The following DOK1 variants were observed in gnomAD, a reference collection of about 807,000 sequenced individuals.
The protein encoded by DOK1 is docking protein 1, also known as Downstream of tyrosine kinase 1.
DOK1 carries 12 observed loss-of-function variants against 24.0 expected under a neutral mutation model. That is an observed-to-expected ratio of 0.50 (90% CI 0.32 to 0.81). The LOEUF (loss-of-function observed/expected upper bound fraction) is 0.81, where lower values mean the gene tolerates loss of function less well. Ranked by LOEUF, DOK1 falls within the 30% of genes least tolerant of loss-of-function variation. DOK1 has a pLI of 0.03. For synonymous variants in DOK1, 250 were observed against 260.9 expected, an observed-to-expected ratio of 0.96 and a Z score of 0.40; for missense variants, 591 against 620.7, an observed-to-expected ratio of 0.95 and a Z score of 0.51.
upstream of DOK1, chr2:74,553,770 G>A: frequency 6.6e-6 from 1 of 152,642 alleles, no homozygotes; most frequent in Non-Finnish European, 1.5e-5. Flanking sequence ...CTCTCAGTTG[G>A]GTGGCTTCCC....
Position 74,555,786 on chromosome 2 carries a change from G to T in DOK1, c.455-108G>T. On this transcript the variant is annotated intron_variant, in intron 3 of 4. Coordinates refer to ENST00000233668, the MANE Select transcript of DOK1 (RefSeq NM_001381.5). The surrounding 1 kb of genome is among the most constrained non-coding windows in gnomAD (Gnocchi z 6.1). ...GAAGTAAGAAGTAGGAAGGCCCTGA[G>T]ATCTGGCTTCCGAGTGAGTGCTTGG... The T allele has an allele frequency of 6.3e-7, 1 of 1,587,270 alleles. No individual in the cohort carries two copies. The highest frequency in any genetic ancestry group is 8.6e-7 in the Non-Finnish European group (1 of 1,166,984).
upstream of DOK1, chr2:74,552,226 C>T (rs575541520): frequency 9.3e-5 from 104 of 1,123,230 alleles, no homozygotes; most frequent in Non-Finnish European, 1.2e-4. Context: ...TTCTTGGTGT[C>T]GTGTGTCCCT....
In DOK1 at chr2:74,549,252, C is replaced by T; in HGVS notation, c.-358+80C>T. The T allele has an allele frequency of 1.7e-6, 2 of 1,200,796 alleles. No individual in the cohort carries two copies. Among genetic ancestry groups the T allele is most frequent in the African/African-American group, 1.5e-5 (1 of 64,768 alleles). 74.4% of individuals were successfully genotyped at this position (1,200,796 alleles called of 1,614,324 possible). ...TTGCAACGGCCTCCATATTTTCCCG[C>T]GCGTCCCGACCCCCGGGTCCTCCCG... On this transcript the variant is annotated intron_variant, in intron 1 of 4. Transcript: ENST00000409429. This position sits in a 1 kb window ranked among gnomAD's most constrained non-coding sequence, Gnocchi z 5.3.
At position 74,556,022 on chromosome 2, in the gene DOK1, C is replaced by T. The variant is rs1035696259; in HGVS notation, c.583C>T (p.Leu195=). The T allele has an allele frequency of 6.2e-7, 1 of 1,612,874 alleles. No individual in the cohort carries two copies. ...GACCGTGGGGGCCCAGAGTCAGATA[C>T]TGGAGCCACTCCTGTCCTGGCCCTA... ...LLTVGAQSQI[L]EPLLSWPYTL... Residue 195 remains leucine (L), a synonymous_variant, in exon 4 of 5, where the codon CTG becomes TTG. Coordinates refer to ENST00000233668, the MANE Select transcript of DOK1 (RefSeq NM_001381.5). This position sits in a 1 kb window ranked among gnomAD's most constrained non-coding sequence, Gnocchi z 4.1.
In DOK1 at chr2:74,557,054, C is replaced by T. The variant is rs749536529; in HGVS notation, c.1386C>T (p.Asp462=). The change falls in exon 5 of 5, where the codon GAC becomes GAT. Residue 462 remains aspartate (D), a synonymous_variant. Transcript: ENST00000233668. ...AGAGCGGGGCCTCAGGGAGCTGGGA[C>T]TGTGGGCTCTCTAGAGTAGGGACTG... ...VQKSGASGSW[D]CGLSRVGTDK... 3.3e-5 allele frequency: 54 copies of T among 1,613,820 alleles called. 2 individuals are homozygous for T. Among genetic ancestry groups the T allele is most frequent in the South Asian group, 3.0e-4 (27 of 91,046 alleles).
rs769790716 is a variant in DOK1 at position 74,555,864 on chromosome 2, C to G, written c.455-30C>G. ...CCCACTGCTGCCCCCGTCCCTCCCC[C>G]GCAGCTGTCTAATCGTGTATGCCTT... On this transcript the variant is annotated intron_variant, in intron 3 of 4. Transcript: ENST00000233668. This position sits in a 1 kb window ranked among gnomAD's most constrained non-coding sequence, Gnocchi z 6.1. 1.9e-6 allele frequency: 3 copies of G among 1,589,214 alleles called. No individual in the cohort carries two copies. The highest frequency in any genetic ancestry group is 2.6e-6 in the Non-Finnish European group (3 of 1,166,294).
At chr2:74,552,256 G>A (rs1677061401), upstream of DOK1, 3 of 1,466,992 alleles carry the variant, frequency 2.0e-6, no homozygotes, top group Non-Finnish European at 2.8e-6. Context: ...CCATCCTCGT[G>A]TTCCCTTTCC....
chr2:74,552,712 A>C, upstream of DOK1: 1 of 1,356,482 alleles, frequency 7.4e-7, no homozygotes, highest in Non-Finnish European at 9.8e-7. Context: ...AGTCAGAAAG[A>C]GAGGGAGAAG....
upstream of DOK1, chr2:74,552,285 T>G (rs754048567): frequency 1.9e-6 from 3 of 1,565,164 alleles, no homozygotes; most frequent in Non-Finnish European, 2.6e-6. Context: ...TGGCCACACA[T>G]AGGAAATATC....
At chr2:74,553,167 CCATTTA>C (rs1038735539), upstream of DOK1, 21 of 154,300 alleles carry the variant, frequency 1.4e-4, no homozygotes, top group African/African-American at 4.8e-4. Context: ...CCAGATGACC[CCATTTA>C]CTCAGAGGGA....
chr2:74,552,343 C>T (rs775248732), upstream of DOK1: 22 of 1,601,722 alleles, frequency 1.4e-5, no homozygotes, highest in Non-Finnish European at 1.7e-5. Context: ...CCATATTTGG[C>T]ACTGTGGGTC....
At chr2:74,552,608 C>T, upstream of DOK1, 1 of 1,581,940 alleles carries the variant, frequency 6.3e-7, no homozygotes, top group Non-Finnish European at 8.6e-7. Context: ...CCCAGGGGCT[C>T]CACTGCCAGA....
upstream of DOK1, chr2:74,552,597 C>G: frequency 6.3e-7 from 1 of 1,589,814 alleles, no homozygotes; most frequent in Non-Finnish European, 8.6e-7. Flanking sequence ...CAGCAGCAGC[C>G]CCCAGGGGCT....
upstream of DOK1, among the ~76,000 whole-genome samples, chr2:74,551,510 C>T (rs1677008619): frequency 6.6e-6 from 1 of 152,240 alleles, no homozygotes; most frequent in South Asian, 2.1e-4. Flanking sequence ...TAAAAACAAC[C>T]ATTACGCCAT....
At chr2:74,553,615 T>C (rs766598031), upstream of DOK1, among the ~76,000 whole-genome samples, 46 of 152,222 alleles carry the variant, frequency 3.0e-4, no homozygotes, top group Admixed American at 4.6e-4. Flanking sequence ...TTGTTCTGGG[T>C]TGGGGACCCA....
Position 74,555,857 on chromosome 2 carries a change from C to T in DOK1, c.455-37C>T. The T allele has an allele frequency of 1.3e-6, 2 of 1,587,194 alleles. No homozygotes were observed. Among genetic ancestry groups the T allele is most frequent in the Non-Finnish European group, 1.7e-6 (2 of 1,165,456 alleles). On this transcript the variant is annotated intron_variant, in intron 3 of 4. Coordinates refer to ENST00000233668, the MANE Select transcript of DOK1 (RefSeq NM_001381.5). This position sits in a 1 kb window ranked among gnomAD's most constrained non-coding sequence, Gnocchi z 6.1. ...CTGGGTCCCCACTGCTGCCCCCGTC[C>T]CTCCCCCGCAGCTGTCTAATCGTGT...
At chr2:74,553,299 G>C (rs1379981726), upstream of DOK1, among the ~76,000 whole-genome samples, 3 of 152,150 alleles carry the variant, frequency 2.0e-5, no homozygotes, top group Non-Finnish European at 4.4e-5. Flanking sequence ...TTCCCAGGCA[G>C]GGAAGGCTGG....
rs1337824942 is a variant in DOK1 at position 74,549,644 on chromosome 2, C to T, written c.-358+472C>T. On this transcript the variant is annotated intron_variant, in intron 1 of 4. Transcript: ENST00000409429. This position sits in a 1 kb window ranked among gnomAD's most constrained non-coding sequence, Gnocchi z 5.3. The stretch of plus-strand genomic sequence containing the variant: ...GTGGCACCTTTCATGTGTCCCGCCG[C>T]CCTTAAGGAACCCTGCTTGGTGTGC... 1 of 1,532,592 alleles carries T rather than the reference C, an allele frequency of 6.5e-7. No individual in the cohort carries two copies. Among genetic ancestry groups the T allele is most frequent in the African/African-American group, 1.4e-5 (1 of 73,376 alleles). The allele number at this position is 1,532,592 out of a possible 1,614,324, so 94.9% of individuals were successfully genotyped here. A position where few individuals can be genotyped will look rare whatever the true frequency, so the allele number is the denominator to read the frequency against.
Position 74,557,356 on chromosome 2 carries a change from C to G in DOK1, c.*242C>G. The G allele has an allele frequency of 2.1e-6, 1 of 468,928 alleles. No homozygotes were observed. The highest frequency in any genetic ancestry group is 3.3e-5 in the East Asian group (1 of 29,980). The allele number at this position is 468,928 out of a possible 1,614,324, so 29.0% of individuals were successfully genotyped here. ...CCAAAGCCATCCCTTCCCTACTTCC[C>G]CAAATGAAGGGACGGCTGTGGGACC... On this transcript the variant is annotated 3_prime_UTR_variant, in exon 5 of 5. Transcript: ENST00000233668.
Sources: gnomAD v4.1 joint callset for allele counts (sites outside exome capture counted in the v4.1 genomes callset) on GRCh38, gnomAD v4.1.1 for gene constraint, Gnocchi (gnomAD v3.1) non-coding constraint, MANE v1.5 for transcripts, NCBI Gene and HGNC (gene_info 2026-07-23, HGNC 2026-07-21) for gene names.